The following RAP1GAP2 variants were observed in gnomAD, a reference collection of about 807,000 sequenced individuals.
RAP1GAP2 encodes the protein rap1 GTPase-activating protein 2.
Under a neutral mutation model 95.0 loss-of-function variants are expected in RAP1GAP2, and 27 were observed. That is an observed-to-expected ratio of 0.28 (90% CI 0.21 to 0.39). The LOEUF is 0.39. Among genes scored for constraint, RAP1GAP2 ranks in the 10% least tolerant of loss-of-function variants. The pLI is 1.00. For synonymous variants in RAP1GAP2, 373 were observed against 380.9 expected, an observed-to-expected ratio of 0.98 and a Z score of 0.24; for missense variants, 771 against 970.0, an observed-to-expected ratio of 0.79 and a Z score of 2.72.
At chr17:2,907,096 T>TC (rs1178955073) in intron 3 of RAP1GAP2, among the ~76,000 whole-genome samples, 1 of 116,764 alleles carries the variant, frequency 8.6e-6, no homozygotes. Flanking sequence ...AAAGTATTTT[T>TC]TTCCCCCAGT....
In RAP1GAP2 at chr17:2,965,621, G is replaced by C; in HGVS notation, c.574G>C (p.Glu192Gln). 1 of 1,610,668 alleles carries C rather than the reference G, an allele frequency of 6.2e-7. No homozygotes were observed. Among genetic ancestry groups the C allele is most frequent in the Non-Finnish European group, 8.5e-7 (1 of 1,178,652 alleles). ...CAAGTGCGAGGAAGCAGAGGGGATC[G>C]AGTACCTCCGGGTCATCCTTAGGTA... ...SVKCEEAEGI[E>Q]YLRVILRSKL... The change falls in exon 8 of 25, where the codon GAG becomes CAG. Residue 192 changes from glutamate to glutamine, a missense_variant. Coordinates refer to ENST00000254695, the MANE Select transcript of RAP1GAP2 (RefSeq NM_015085.5). This position sits in a 1 kb window ranked among gnomAD's most constrained non-coding sequence, Gnocchi z 4.7.
intron 19 of RAP1GAP2, 60 bp downstream of exon 19, chr17:3,020,655 T>G (rs2151645383): frequency 6.9e-7 from 1 of 1,448,458 alleles, no homozygotes; most frequent in Non-Finnish European, 9.6e-7. Context: ...CCCCCTCCAC[T>G]GCTACAGCTG....
upstream of RAP1GAP2, among the ~76,000 whole-genome samples, chr17:2,792,683 G>A (rs182378361): frequency 6.6e-6 from 1 of 152,222 alleles, no homozygotes; most frequent in African/African-American, 2.4e-5. Context: ...GCCGGCAGCC[G>A]GGCCAGTCCT....
chr17:2,949,264 C>T (rs141543914), intron 3 of RAP1GAP2, among the ~76,000 whole-genome samples: 81 of 152,290 alleles, frequency 5.3e-4, no homozygotes, highest in African/African-American at 1.8e-3. Context: ...GCTGCATGGA[C>T]GCTGCTATTG....
At chr17:2,769,411 C>T (rs1410330329) in intron 1 of RAP1GAP2, among the ~76,000 whole-genome samples, 10 of 151,032 alleles carry the variant, frequency 6.6e-5, no homozygotes, top group African/African-American at 1.2e-4. Context: ...AAAAATTAGC[C>T]GGGCGTGGCG....
At chr17:2,971,511 G>A (rs2044866344) in intron 8 of RAP1GAP2, among the ~76,000 whole-genome samples, 1 of 151,980 alleles carries the variant, frequency 6.6e-6, no homozygotes, top group African/African-American at 2.4e-5. Context: ...GAGGCAGGAG[G>A]GTCACTTGAG....
At chr17:2,761,905 G>A (rs1037267138) in intron 1 of RAP1GAP2, among the ~76,000 whole-genome samples, 2 of 150,486 alleles carry the variant, frequency 1.3e-5, no homozygotes, top group Non-Finnish European at 3.0e-5. Flanking sequence ...GTCTCATTGT[G>A]GTTTTCATTT....
chr17:3,010,354 A>G (rs983638841), intron 17 of RAP1GAP2, among the ~76,000 whole-genome samples: 5 of 151,914 alleles, frequency 3.3e-5, no homozygotes, highest in Admixed American at 6.6e-5. Flanking sequence ...AAAAAAAAAA[A>G]AAAAAAGAAA....
chr17:2,873,112 A>C (rs1188554531), intron 2 of RAP1GAP2, among the ~76,000 whole-genome samples: 1 of 150,448 alleles, frequency 6.6e-6, no homozygotes, highest in Non-Finnish European at 1.5e-5. Flanking sequence ...GAAAAAAAAA[A>C]AAACGGAAAA....
chr17:2,852,445 G>C (rs1222925150), intron 2 of RAP1GAP2, among the ~76,000 whole-genome samples: 1 of 152,186 alleles, frequency 6.6e-6, no homozygotes, highest in Non-Finnish European at 1.5e-5. Context: ...CCCAACTCCA[G>C]TGCCAGCAGG....
In RAP1GAP2 at chr17:3,005,846, T is replaced by C; in HGVS notation, c.1273-109T>C. 9.4e-7 allele frequency: 1 copy of C among 1,059,436 alleles called. No individual in the cohort carries two copies. Among genetic ancestry groups the C allele is most frequent in the Non-Finnish European group, 1.5e-6 (1 of 678,876 alleles). 65.6% of individuals were successfully genotyped at this position (1,059,436 alleles called of 1,614,324 possible). ...AATGATCCGCTGTCGGAAGGGACTT[T>C]TCAGGGGTTCTCCCCATGGCCCCGG... On this transcript the variant is annotated intron_variant, in intron 15 of 24. Coordinates refer to ENST00000254695, the MANE Select transcript of RAP1GAP2 (RefSeq NM_015085.5). This position sits in a 1 kb window ranked among gnomAD's most constrained non-coding sequence, Gnocchi z 5.2.
intron 4 of RAP1GAP2, among the ~76,000 whole-genome samples, chr17:2,961,175 C>T (rs1345776567): frequency 6.6e-6 from 1 of 151,550 alleles, no homozygotes; most frequent in Non-Finnish European, 1.5e-5. Context: ...CGAGATCCCA[C>T]CACTGCACTC....
chr17:2,907,869 C>T lies in RAP1GAP2; in HGVS notation c.165+2501C>T, dbSNP rs149895908. Among the ~76,000 whole-genome samples the T allele has an allele frequency of 9.4e-4, 143 of 152,200 alleles. 1 individual carries two copies. Among genetic ancestry groups the T allele is most frequent in the African/African-American group, 3.2e-3 (135 of 41,544 alleles). On this transcript the variant is annotated intron_variant, in intron 3 of 24. Coordinates refer to ENST00000254695, the MANE Select transcript of RAP1GAP2 (RefSeq NM_015085.5). ...GTCGCCGAGCCAGAGTGCAGTGGCG[C>T]GATCTTGGCTCACTGCAACCTCCAC...
At chr17:2,828,943 C>T (rs1380989601) in intron 2 of RAP1GAP2, among the ~76,000 whole-genome samples, 1 of 147,922 alleles carries the variant, frequency 6.8e-6, no homozygotes, top group African/African-American at 2.5e-5. Context: ...TCTCATTGCT[C>T]CCTGGGGGGG....
chr17:2,986,452 A>G (rs1388123229), intron 11 of RAP1GAP2, among the ~76,000 whole-genome samples: 1 of 152,218 alleles, frequency 6.6e-6, no homozygotes, highest in Non-Finnish European at 1.5e-5. Flanking sequence ...AGTTATAATT[A>G]CTGAACATGA....
intron 2 of RAP1GAP2, among the ~76,000 whole-genome samples, chr17:2,880,412 G>A (rs1208656307): frequency 6.6e-6 from 1 of 151,806 alleles, no homozygotes; most frequent in Admixed American, 6.6e-5. Context: ...CATGGAAGGA[G>A]GACAGAATAA....
intron 22 of RAP1GAP2, among the ~76,000 whole-genome samples, chr17:3,028,595 G>C (rs762711801): frequency 6.6e-6 from 1 of 152,208 alleles, no homozygotes. Flanking sequence ...TGCAGGGTCA[G>C]AGATGAAGGG....
At chr17:2,874,198 CA>C (rs2072984751) in intron 2 of RAP1GAP2, among the ~76,000 whole-genome samples, 2 of 152,190 alleles carry the variant, frequency 1.3e-5, no homozygotes, top group Admixed American at 1.3e-4. Flanking sequence ...AAATAAGAGG[CA>C]TAAGATTGAG....
chr17:2,889,368 G>T (rs2073609851), intron 2 of RAP1GAP2, among the ~76,000 whole-genome samples: 1 of 152,192 alleles, frequency 6.6e-6, no homozygotes, highest in Non-Finnish European at 1.5e-5. Flanking sequence ...CAGGCCCTGT[G>T]CTGGGGCAGG....
Sources: gnomAD v4.1 joint callset for allele counts (sites outside exome capture counted in the v4.1 genomes callset) on GRCh38, gnomAD v4.1.1 for gene constraint, Gnocchi (gnomAD v3.1) non-coding constraint, MANE v1.5 for transcripts, NCBI Gene and HGNC (gene_info 2026-07-23, HGNC 2026-07-21) for gene names.